Variants in PTK2B observed in about 807,000 individuals in gnomAD.
PTK2B encodes the protein protein tyrosine kinase 2 beta, also known as protein-tyrosine kinase 2-beta.
A neutral mutation model predicts 142.9 loss-of-function variants in PTK2B; 71 were observed. That is an observed-to-expected ratio of 0.50 (90% confidence interval 0.41 to 0.61). The LOEUF (loss-of-function observed/expected upper bound fraction) is 0.61, where lower values mean the gene tolerates loss of function less well. PTK2B is among the 20% of genes least tolerant of loss of function. The pLI is 0.00. For synonymous variants in PTK2B, 519 were observed against 503.4 expected, an observed-to-expected ratio of 1.03 and a Z score of -0.42; for missense variants, 1,105 against 1,320.4, an observed-to-expected ratio of 0.84 and a Z score of 2.53.
At chr8:27,323,741 C>A (rs9693096), upstream of PTK2B, among the ~76,000 whole-genome samples, 6,460 of 152,122 alleles carry the variant, frequency 0.042, 443 homozygotes, top group African/African-American at 0.15. Context: ...AGTTGGCCAC[C>A]CCAGAGAGTT....
At chr8:27,396,845 C>T (rs919626285) in intron 1 of PTK2B, among the ~76,000 whole-genome samples, 19 of 152,218 alleles carry the variant, frequency 1.2e-4, no homozygotes, top group African/African-American at 4.1e-4. Context: ...AGTCCCAGCT[C>T]AGCTCCTTCC....
chr8:27,331,684 A>G (rs1803760302), intron 1 of PTK2B, among the ~76,000 whole-genome samples: 1 of 116,622 alleles, frequency 8.6e-6, no homozygotes, highest in African/African-American at 3.0e-5. Flanking sequence ...ACGGGGTTTC[A>G]CCATATTAGC....
intron 1 of PTK2B, among the ~76,000 whole-genome samples, chr8:27,337,457 G>A (rs1804141725): frequency 6.6e-6 from 1 of 152,088 alleles, no homozygotes; most frequent in Non-Finnish European, 1.5e-5. Context: ...CTATCTAATT[G>A]CAGAATATTC....
At chr8:27,403,298 G>A (rs1199860077) in intron 2 of PTK2B, among the ~76,000 whole-genome samples, 7 of 152,172 alleles carry the variant, frequency 4.6e-5, no homozygotes, top group East Asian at 1.9e-4. Context: ...AAGCAGTCGC[G>A]AATCGCCCTG....
intron 1 of PTK2B, among the ~76,000 whole-genome samples, chr8:27,327,226 AG>A (rs530059838): frequency 4.2e-4 from 64 of 152,134 alleles, no homozygotes; most frequent in Non-Finnish European, 5.7e-4. Flanking sequence ...GGGAAGCTGC[AG>A]GGGTGAGTGG....
At chr8:27,350,989 AAATAT>A (rs1483193851) in intron 1 of PTK2B, among the ~76,000 whole-genome samples, 1 of 17,724 alleles carries the variant, frequency 5.6e-5, no homozygotes, top group African/African-American at 2.3e-4. Flanking sequence ...AAAAAAAAAA[AAATAT>A]ATATATATAT....
chr8:27,321,037 G>A (rs1297705027), upstream of PTK2B, among the ~76,000 whole-genome samples: 2 of 111,930 alleles, frequency 1.8e-5, no homozygotes, highest in Non-Finnish European at 3.3e-5. Flanking sequence ...TGTTGCCCAA[G>A]CTAAATTCAT....
chr8:27,390,063 G>C (rs552573345), intron 1 of PTK2B, among the ~76,000 whole-genome samples: 2 of 152,196 alleles, frequency 1.3e-5, no homozygotes, highest in Non-Finnish European at 2.9e-5. Flanking sequence ...TGTGTGTCTC[G>C]TGACATTGTG....
Position 27,440,428 on chromosome 8 carries a change from G to T in PTK2B, c.2026G>T (p.Val676Leu). Reference protein sequence around the residue: ...PSDRPRFTELVCSLSDVYQME... With the variant: ...PSDRPRFTELLCSLSDVYQME... ...TGACCGGCCCCGCTTCACCGAGCTG[G>T]TGTGCAGCCTCAGGTGAGCATGGAG... The change falls in exon 21 of 31, where the codon GTG becomes TTG. Residue 676 changes from valine (V) to leucine (L), a missense_variant. By Grantham distance (32) the Val-to-Leu change is conservative. Transcript: ENST00000346049. 3 of 1,613,832 alleles carry T rather than the reference G, an allele frequency of 1.9e-6. No individual in the cohort carries two copies. The highest frequency in any genetic ancestry group is 2.5e-6 in the Non-Finnish European group (3 of 1,180,010).
At chr8:27,412,347 C>T (rs1163809457) in intron 2 of PTK2B, among the ~76,000 whole-genome samples, 1 of 152,120 alleles carries the variant, frequency 6.6e-6, no homozygotes, top group Non-Finnish European at 1.5e-5. Flanking sequence ...CCATGAATCA[C>T]CTCATTAGTA....
At chr8:27,311,170 G>T, upstream of PTK2B, 1 of 1,607,126 alleles carries the variant, frequency 6.2e-7, no homozygotes, top group Non-Finnish European at 8.5e-7. Context: ...CGTAGCAGAC[G>T]GCGCAGAGCA....
chr8:27,434,334 G>A (rs537920431), intron 12 of PTK2B, among the ~76,000 whole-genome samples, 179 bp from the exon 13 acceptor site: 6 of 152,292 alleles, frequency 3.9e-5, no homozygotes, highest in African/African-American at 2.4e-5. Flanking sequence ...TTATCCTGGG[G>A]GGTTGCTGCT....
chr8:27,379,000 A>G (rs889040795), intron 1 of PTK2B, among the ~76,000 whole-genome samples: 2 of 152,060 alleles, frequency 1.3e-5, no homozygotes, highest in African/African-American at 4.8e-5. Context: ...GACACGGGGG[A>G]GCTGGATGCC....
At chr8:27,439,199 G>C in intron 19 of PTK2B, 68 bp downstream of exon 19, 1 of 1,570,696 alleles carries the variant, frequency 6.4e-7, no homozygotes, top group Non-Finnish European at 8.8e-7. Context: ...TCCAGAAGAA[G>C]GAAGTCTACA....
At chr8:27,362,133 C>G (rs1190229819) in intron 1 of PTK2B, among the ~76,000 whole-genome samples, 1 of 152,210 alleles carries the variant, frequency 6.6e-6, no homozygotes, top group Admixed American at 6.5e-5. Context: ...CCAGGTCTGG[C>G]CCTGAGCCTC....
intron 2 of PTK2B, among the ~76,000 whole-genome samples, chr8:27,417,009 A>C (rs1418050169): frequency 2.0e-5 from 3 of 152,238 alleles, no homozygotes; most frequent in Non-Finnish European, 4.4e-5. Flanking sequence ...GGAGAAATAT[A>C]AAATGGAATA....
chr8:27,368,320 C>A (rs935876028), intron 1 of PTK2B, among the ~76,000 whole-genome samples: 2 of 152,184 alleles, frequency 1.3e-5, no homozygotes, highest in Non-Finnish European at 2.9e-5. Context: ...TTGGCTCCCC[C>A]ACCCTGCTCC....
intron 1 of PTK2B, among the ~76,000 whole-genome samples, chr8:27,353,582 G>A (rs1805225663): frequency 6.6e-6 from 1 of 152,074 alleles, no homozygotes; most frequent in African/African-American, 2.4e-5. Flanking sequence ...CATTGATCCT[G>A]TGGTCACCAT....
intron 3 of PTK2B, among the ~76,000 whole-genome samples, chr8:27,319,907 C>T (rs1468328952): frequency 6.6e-6 from 1 of 152,158 alleles, no homozygotes; most frequent in Non-Finnish European, 1.5e-5. Flanking sequence ...CTCTTCTGTA[C>T]CACCCAACAG....
Sources: gnomAD v4.1 joint callset for allele counts (sites outside exome capture counted in the v4.1 genomes callset) on GRCh38, gnomAD v4.1.1 for gene constraint, MANE v1.5 for transcripts, NCBI Gene and HGNC (gene_info 2026-07-23, HGNC 2026-07-21) for gene names.